PCLO: variants seen among roughly 807,000 people sequenced by gnomAD.
PCLO encodes the protein piccolo presynaptic cytomatrix protein.
In PCLO, 82 loss-of-function variants were observed where a neutral mutation model predicts 427.5. The observed-to-expected ratio is 0.19, with a 90% CI of 0.16 to 0.23. PCLO has a LOEUF of 0.23. Ranked by LOEUF, PCLO falls within the 10% of genes least tolerant of loss-of-function variation. PCLO has a pLI of 1.00. For synonymous variants in PCLO, 2,357 were observed against 2,155.4 expected (o/e 1.09, Z -2.59); for missense variants, 6,239 against 6,115.9 (o/e 1.02, Z -0.67).
chr7:82,897,365 G>A (rs1289777832), intron 9 of PCLO, among the ~76,000 whole-genome samples: 9 of 151,566 alleles, frequency 5.9e-5, no homozygotes, highest in Middle Eastern at 6.8e-3. Flanking sequence ...CAGGTTAAAA[G>A]TTAAAGGATA....
intron 3 of PCLO, among the ~76,000 whole-genome samples, chr7:83,091,170 C>T (rs1289888079): frequency 6.6e-6 from 1 of 151,864 alleles, no homozygotes. Context: ...TAGTCCTTAC[C>T]ATTAAGTAAG....
chr7:82,786,744 C>A (rs1790992543), intron 22 of PCLO, among the ~76,000 whole-genome samples: 1 of 151,918 alleles, frequency 6.6e-6, no homozygotes, highest in African/African-American at 2.4e-5. Context: ...TCCCCTAGCT[C>A]CCCACCCCCC....
At chr7:83,030,923 T>C (rs1008489210) in intron 3 of PCLO, among the ~76,000 whole-genome samples, 11 of 152,166 alleles carry the variant, frequency 7.2e-5, no homozygotes, top group African/African-American at 2.4e-4. Context: ...TTGTACTTGG[T>C]TCAAAAAATA....
intron 22 of PCLO, among the ~76,000 whole-genome samples, chr7:82,766,564 C>T (rs1409066201): frequency 1.3e-5 from 2 of 151,978 alleles, no homozygotes; most frequent in African/African-American, 4.8e-5. Flanking sequence ...AAGGAAAATT[C>T]TCTCTTGCTA....
chr7:83,052,202 A>G (rs1293151840), intron 3 of PCLO, among the ~76,000 whole-genome samples: 1 of 152,046 alleles, frequency 6.6e-6, no homozygotes, highest in Non-Finnish European at 1.5e-5. Context: ...CATCAATTGT[A>G]ACAAATGTAC....
intron 3 of PCLO, among the ~76,000 whole-genome samples, chr7:83,020,267 T>C (rs1409306519): frequency 6.6e-6 from 1 of 152,140 alleles, no homozygotes; most frequent in African/African-American, 2.4e-5. Flanking sequence ...TGCTGTTACA[T>C]TCCATCTTTC....
chr7:82,989,546 GA>G, intron 3 of PCLO, among the ~76,000 whole-genome samples: 1 of 151,810 alleles, frequency 6.6e-6, no homozygotes, highest in Admixed American at 6.6e-5. Flanking sequence ...CTCAATAAAA[GA>G]AAAAATAATT....
Position 82,805,709 on chromosome 7 carries a change from TTAG to T in PCLO, c.14909_14911del (p.Thr4970del). 6.2e-7 allele frequency: 1 copy of T among 1,612,936 alleles called. No homozygotes were observed. Among genetic ancestry groups the T allele is most frequent in the East Asian group, 2.2e-5 (1 of 44,838 alleles). On this transcript the variant is annotated inframe_deletion, in exon 21 of 25. Transcript: ENST00000333891. ...TTACATCCTCGGAATAGGAAATAGA[TTAG>T]TCTCCCCTGCAGTGCTGCTGCTTCC...
At chr7:82,977,749 G>T (rs542161237) in intron 3 of PCLO, among the ~76,000 whole-genome samples, 60 of 152,112 alleles carry the variant, frequency 3.9e-4, no homozygotes, top group Non-Finnish European at 7.6e-4. Flanking sequence ...GGGGCACAAA[G>T]AATAACTTTA....
chr7:82,975,411 CAG>C (rs573507409), intron 3 of PCLO, among the ~76,000 whole-genome samples: 3 of 152,018 alleles, frequency 2.0e-5, no homozygotes, highest in Non-Finnish European at 4.4e-5. Context: ...TATTTAAAGA[CAG>C]AATAATTTCA....
intron 6 of PCLO, among the ~76,000 whole-genome samples, chr7:82,936,729 G>T (rs1191327783): frequency 6.6e-6 from 1 of 151,534 alleles, no homozygotes; most frequent in Non-Finnish European, 1.5e-5. Context: ...AACATTTATA[G>T]AACCATTATT....
chr7:83,099,455 C>A (rs2116480917), intron 3 of PCLO, among the ~76,000 whole-genome samples: 1 of 148,832 alleles, frequency 6.7e-6, no homozygotes, highest in East Asian at 2.0e-4. Flanking sequence ...GTGGCATGAT[C>A]TTGGCTCACT....
intron 21 of PCLO, among the ~76,000 whole-genome samples, chr7:82,803,777 C>T (rs1280170150): frequency 6.6e-6 from 1 of 152,122 alleles, no homozygotes; most frequent in Non-Finnish European, 1.5e-5. Flanking sequence ...TATAAAAGAA[C>T]TGCCAAATAC....
intron 20 of PCLO, among the ~76,000 whole-genome samples, chr7:82,814,590 A>G (rs1289042481): frequency 1.3e-5 from 2 of 151,754 alleles, no homozygotes; most frequent in Non-Finnish European, 2.9e-5. Flanking sequence ...TTAATAATCC[A>G]AAGAACTTTA....
intron 3 of PCLO, among the ~76,000 whole-genome samples, chr7:83,124,792 G>A (rs566854707): frequency 1.3e-5 from 2 of 152,070 alleles, no homozygotes; most frequent in South Asian, 4.2e-4. Context: ...GCTTTCCAGG[G>A]TCTCCCTCTG....
chr7:82,834,855 T>C (rs940445315), intron 16 of PCLO, among the ~76,000 whole-genome samples: 6 of 152,186 alleles, frequency 3.9e-5, no homozygotes, highest in South Asian at 4.1e-4. Flanking sequence ...CTACATTGCA[T>C]AGCAGAAATT....
intron 3 of PCLO, among the ~76,000 whole-genome samples, chr7:82,980,301 A>AC (rs1796118038): frequency 6.6e-6 from 1 of 152,130 alleles, no homozygotes; most frequent in Non-Finnish European, 1.5e-5. Context: ...ACCTGTCCAT[A>AC]TTGCTGTCAG....
chr7:82,846,215 G>A (rs188034654), intron 12 of PCLO, among the ~76,000 whole-genome samples: 20 of 151,948 alleles, frequency 1.3e-4, no homozygotes, highest in Admixed American at 6.6e-5. Flanking sequence ...AATCAAGTAC[G>A]CTCTAAAAAT....
chr7:83,084,186 A>G lies in PCLO; in HGVS notation c.3300+50064T>C, dbSNP rs149882713. Among the ~76,000 whole-genome samples, 549 of 152,262 alleles carry G rather than the reference A, an allele frequency of 3.6e-3. 3 individuals are homozygous for G. The highest frequency in any genetic ancestry group is 0.013 in the African/African-American group (525 of 41,562). On this transcript the variant is annotated intron_variant, in intron 3 of 24. Coordinates refer to ENST00000333891, the MANE Select transcript of PCLO (RefSeq NM_033026.6). Reference sequence around the variant, plus strand: ...TCTTAGTTTTGTGAGCTGATACCATAGTAACTTTTATAAGCTCTGCTTCAT... The same window carrying G: ...TCTTAGTTTTGTGAGCTGATACCATGGTAACTTTTATAAGCTCTGCTTCAT...
Sources: gnomAD v4.1 joint callset for allele counts (sites outside exome capture counted in the v4.1 genomes callset) on GRCh38, gnomAD v4.1.1 for gene constraint, MANE v1.5 for transcripts, NCBI Gene and HGNC (gene_info 2026-07-23, HGNC 2026-07-21) for gene names.